Variants in RYR2 observed in about 807,000 individuals in gnomAD.
RYR2 encodes the protein cardiac muscle ryanodine receptor-calcium release channel.
In RYR2, 227 loss-of-function variants were observed where a neutral mutation model predicts 601.1. The ratio of observed to expected loss-of-function variants is 0.38; its 90% CI spans 0.34 to 0.42. RYR2 has a LOEUF of 0.42. RYR2 is among the 10% of genes least tolerant of loss of function. The pLI is 1.00. For missense variants in RYR2, 4,646 were observed against 6,156.5 expected, an observed-to-expected ratio of 0.75 and a Z score of 8.21; for synonymous variants, 2,223 against 2,175.1, an observed-to-expected ratio of 1.02 and a Z score of -0.61.
intron 87 of RYR2, 83 bp from the exon 88 acceptor site, chr1:237,778,583 T>TCAA: frequency 3.1e-6 from 2 of 652,282 alleles, no homozygotes; most frequent in South Asian, 4.7e-5. Flanking sequence ...CAGCACTAAG[T>TCAA]CAACTTTTCC....
At chr1:237,536,885 C>CA (rs540538447) in intron 25 of RYR2, among the ~76,000 whole-genome samples, 66 of 139,538 alleles carry the variant, frequency 4.7e-4, no homozygotes, top group African/African-American at 7.5e-4. Context: ...GACTCCATCT[C>CA]AAAAAAAAAA....
chr1:237,138,611 CTA>C (rs1673061065), intron 1 of RYR2, among the ~76,000 whole-genome samples: 1 of 151,952 alleles, frequency 6.6e-6, no homozygotes, highest in South Asian at 2.1e-4. Flanking sequence ...TAAAAACAAA[CTA>C]TTTATTTTCT....
At chr1:237,433,579 C>T (rs1372337811) in intron 12 of RYR2, among the ~76,000 whole-genome samples, 2 of 152,084 alleles carry the variant, frequency 1.3e-5, no homozygotes, top group Non-Finnish European at 2.9e-5. Flanking sequence ...TTCACTTAAT[C>T]CCTTTGTTAG....
At chr1:237,379,609 C>T (rs956535117) in intron 8 of RYR2, among the ~76,000 whole-genome samples, 2 of 152,120 alleles carry the variant, frequency 1.3e-5, no homozygotes, top group Non-Finnish European at 2.9e-5. Context: ...TTCCAAACTA[C>T]ATTTTATTGT....
chr1:237,069,386 T>G (rs1664031986), intron 1 of RYR2, among the ~76,000 whole-genome samples: 1 of 152,038 alleles, frequency 6.6e-6, no homozygotes, highest in African/African-American at 2.4e-5. Flanking sequence ...TACTTATATC[T>G]AGTATAAGTA....
chr1:237,789,068 T>A (rs1658023074), intron 92 of RYR2, among the ~76,000 whole-genome samples: 1 of 151,700 alleles, frequency 6.6e-6, no homozygotes, highest in African/African-American at 2.4e-5. Flanking sequence ...TAAATTTTTA[T>A]AATTTTTATA....
chr1:237,582,163 C>T (rs1260409756), intron 29 of RYR2, among the ~76,000 whole-genome samples: 2 of 152,004 alleles, frequency 1.3e-5, no homozygotes, highest in Admixed American at 6.6e-5. Flanking sequence ...AGTGCAGTGG[C>T]ATGAGCTCAG....
chr1:237,631,611 AGATTTTTTT>A, intron 42 of RYR2, 70 bp downstream of exon 42: 8 of 292,578 alleles, frequency 2.7e-5, no homozygotes, highest in Non-Finnish European at 4.0e-5. Context: ...TATAGAATGC[AGATTTTTTT>A]TTTTTTTTTT....
At chr1:237,718,649 C>A (rs1689456855) in intron 73 of RYR2, 128 bp downstream of exon 73, 1 of 438,852 alleles carries the variant, frequency 2.3e-6, no homozygotes, top group Non-Finnish European at 4.1e-6. Context: ...TAGTCATTAT[C>A]CTACTTGCAA....
chr1:237,164,651 T>C, intron 1 of RYR2, among the ~76,000 whole-genome samples: 1 of 152,188 alleles, frequency 6.6e-6, no homozygotes, highest in South Asian at 2.1e-4. Context: ...GTGAGGCTTC[T>C]CACACACTTT....
chr1:237,056,803 C>G, intron 1 of RYR2, among the ~76,000 whole-genome samples: 1 of 152,070 alleles, frequency 6.6e-6, no homozygotes, highest in East Asian at 1.9e-4. Flanking sequence ...GACTGGAGCA[C>G]TGCACCTGTG....
chr1:237,660,593 T>C (rs1291596121), intron 55 of RYR2, among the ~76,000 whole-genome samples: 1 of 152,160 alleles, frequency 6.6e-6, no homozygotes, highest in Non-Finnish European at 1.5e-5. Flanking sequence ...TGCTATATAA[T>C]GAACAAAGCG....
At chr1:237,343,530 A>G (rs1003513708) in intron 3 of RYR2, among the ~76,000 whole-genome samples, 3 of 150,364 alleles carry the variant, frequency 2.0e-5, no homozygotes, top group African/African-American at 7.3e-5. Context: ...TCAATAAGTG[A>G]TTTTTTTTTT....
intron 12 of RYR2, among the ~76,000 whole-genome samples, chr1:237,437,137 T>C (rs1425349268): frequency 1.3e-5 from 2 of 151,996 alleles, no homozygotes; most frequent in Non-Finnish European, 2.9e-5. Flanking sequence ...CTCTGCCTCC[T>C]GGGTTCACGC....
intron 2 of RYR2, among the ~76,000 whole-genome samples, chr1:237,280,040 C>G (rs1231139131): frequency 1.3e-5 from 2 of 152,096 alleles, no homozygotes; most frequent in Non-Finnish European, 2.9e-5. Flanking sequence ...ATTTCTATGG[C>G]GTCACTTTAA....
At chr1:237,568,888 C>G (rs1466380748) in intron 28 of RYR2, among the ~76,000 whole-genome samples, 1 of 152,110 alleles carries the variant, frequency 6.6e-6, no homozygotes, top group Non-Finnish European at 1.5e-5. Context: ...AAATAATAAG[C>G]TCTCAAAATC....
At chr1:237,054,751 A>C (rs1661763670) in intron 1 of RYR2, among the ~76,000 whole-genome samples, 1 of 152,262 alleles carries the variant, frequency 6.6e-6, no homozygotes, top group South Asian at 2.1e-4. Context: ...TTTTACTTTA[A>C]AAAAAGTTAC....
At chr1:237,529,318 G>C (rs1667886592) in intron 24 of RYR2, among the ~76,000 whole-genome samples, 1 of 152,076 alleles carries the variant, frequency 6.6e-6, no homozygotes, top group Non-Finnish European at 1.5e-5. Context: ...TTTAACGCTA[G>C]AAAGATAATT....
intron 1 of RYR2, among the ~76,000 whole-genome samples, chr1:237,107,535 A>AAAAAAAAAAAC (rs1395015156): frequency 6.7e-6 from 1 of 149,808 alleles, no homozygotes; most frequent in Non-Finnish European, 1.5e-5. Context: ...AAAAAAAAAA[A>AAAAAAAAAAAC]AGGAAACATT....
Sources: allele counts gnomAD v4.1 joint callset (sites outside exome capture counted in the v4.1 genomes callset), GRCh38; gene constraint gnomAD v4.1.1; transcripts MANE v1.5; gene names NCBI Gene and HGNC (gene_info 2026-07-23, HGNC 2026-07-21).